Variants in AXIN1 observed in about 807,000 individuals in gnomAD.
AXIN1 encodes the protein axin 1.
Under a neutral mutation model 76.4 loss-of-function variants are expected in AXIN1, and 30 were observed. The ratio of observed to expected loss-of-function variants is 0.39; its 90% CI spans 0.29 to 0.53. AXIN1 has a LOEUF of 0.53. Among genes scored for constraint, AXIN1 ranks in the 20% least tolerant of loss-of-function variants. The pLI, the probability that AXIN1 is intolerant of heterozygous loss-of-function variation, is 0.66. For synonymous variants in AXIN1, 545 were observed against 501.4 expected (o/e 1.09, Z -1.16); for missense variants, 1,140 against 1,198.8 (o/e 0.95, Z 0.72).
rs1358249025 is a variant in AXIN1 at position 293,446 on chromosome 16, G to C, written c.2186+42C>G. The C allele has an allele frequency of 6.3e-7, 1 of 1,585,312 alleles. No individual in the cohort carries two copies. The highest frequency in any genetic ancestry group is 8.6e-7 in the Non-Finnish European group (1 of 1,163,282). ...GCTTCAGCCCCAGGAGTGGTGCTGT[G>C]GTAACCCCCAAGACCCACCCCACCC... On this transcript the variant is annotated intron_variant, in intron 8 of 10. Transcript: ENST00000262320. This position sits in a 1 kb window ranked among gnomAD's most constrained non-coding sequence, Gnocchi z 4.6.
intron 2 of AXIN1, among the ~76,000 whole-genome samples, chr16:332,650 T>A (rs1272211836): frequency 7.2e-6 from 1 of 138,192 alleles, no homozygotes; most frequent in African/African-American, 2.8e-5. Flanking sequence ...ATCTAAACAA[T>A]GTTGATCTAA....
At chr16:328,958 C>T (rs1057404493) in intron 2 of AXIN1, among the ~76,000 whole-genome samples, 9 of 152,066 alleles carry the variant, frequency 5.9e-5, no homozygotes, top group Admixed American at 3.3e-4. Flanking sequence ...GGTGCTGCCA[C>T]GCTGCTCACA....
chr16:332,051 G>A (rs140733627), intron 2 of AXIN1, among the ~76,000 whole-genome samples: 6 of 152,236 alleles, frequency 3.9e-5, no homozygotes, highest in Non-Finnish European at 5.9e-5. Flanking sequence ...CCCACACCTC[G>A]TTAGGGGCTC....
At chr16:339,630 C>T (rs1247855237) in intron 2 of AXIN1, among the ~76,000 whole-genome samples, 1 of 151,756 alleles carries the variant, frequency 6.6e-6, no homozygotes, top group Non-Finnish European at 1.5e-5. Context: ...TGCAGTAAGC[C>T]GAGATGGTGC....
intron 2 of AXIN1, among the ~76,000 whole-genome samples, chr16:339,930 C>G (rs1019661529): frequency 6.6e-6 from 1 of 152,164 alleles, no homozygotes; most frequent in Admixed American, 6.5e-5. Flanking sequence ...CCTCTGCAGC[C>G]GGGCACCTTC....
chr16:323,458 GA>G (rs1361702215), intron 2 of AXIN1, among the ~76,000 whole-genome samples: 1 of 137,510 alleles, frequency 7.3e-6, no homozygotes, highest in South Asian at 2.3e-4. Flanking sequence ...AAAAAAGAAA[GA>G]AAAAAAGCCA....
chr16:309,737 G>A (rs993958430), intron 4 of AXIN1, among the ~76,000 whole-genome samples: 2 of 152,232 alleles, frequency 1.3e-5, no homozygotes, highest in Non-Finnish European at 2.9e-5. Context: ...CTTGGGGCAT[G>A]GGGGCTCTTC....
chr16:307,018 C>T (rs1472596181), intron 4 of AXIN1, among the ~76,000 whole-genome samples: 2 of 152,224 alleles, frequency 1.3e-5, no homozygotes, highest in East Asian at 1.9e-4. Context: ...CTGGCTTTTC[C>T]GTGCCCAGTG....
chr16:344,741 G>A (rs958706730), intron 2 of AXIN1, among the ~76,000 whole-genome samples: 9 of 152,044 alleles, frequency 5.9e-5, no homozygotes, highest in African/African-American at 1.7e-4. Flanking sequence ...CGCCCGCCTC[G>A]GCCTCCCAAA....
In AXIN1 at chr16:314,604, C is replaced by T. The variant is rs575738614; in HGVS notation, c.958G>A (p.Asp320Asn). 11 of 1,613,998 alleles carry T rather than the reference C, an allele frequency of 6.8e-6. No homozygotes were observed. The African/African-American group carries it at 1.1e-4, about 16-fold the overall frequency. Residue 320 changes from aspartate (D) to asparagine (N), a missense_variant, in exon 3 of 11, where the codon GAC (aspartate) becomes AAC (asparagine). This residue lies in a region of AXIN1 where 708 missense variants were observed against 776.9 expected (regional missense o/e 0.91). Coordinates refer to ENST00000262320, the MANE Select transcript of AXIN1 (RefSeq NM_003502.4). ...YALAPATSAN[D>N]SEQQSLSSDA... ...CTGGACAGGCTCTGCTGCTCGCTGT[C>T]GTTGGCACTGGTGGCTGGGGCCAGG...
chr16:312,369 GA>G (rs200158785), intron 3 of AXIN1, among the ~76,000 whole-genome samples: 9 of 151,888 alleles, frequency 5.9e-5, no homozygotes, highest in African/African-American at 1.4e-4. Context: ...AGAATATCAA[GA>G]AAAAAAATAC....
At chr16:337,820 T>C (rs1361693089) in intron 2 of AXIN1, among the ~76,000 whole-genome samples, 1 of 152,244 alleles carries the variant, frequency 6.6e-6, no homozygotes, top group Non-Finnish European at 1.5e-5. Flanking sequence ...CTGGGCCCTA[T>C]GGGCACTCAG....
intron 4 of AXIN1, among the ~76,000 whole-genome samples, chr16:304,824 C>T (rs973693365): frequency 3.9e-5 from 6 of 152,198 alleles, no homozygotes; most frequent in East Asian, 1.9e-4. Context: ...TGTGAGCCAC[C>T]GGGCCCGGCC....
At chr16:299,152 G>A in intron 5 of AXIN1, 2 of 985,444 alleles carry the variant, frequency 2.0e-6, no homozygotes, top group Non-Finnish European at 2.4e-6. Context: ...GCTTCCACAT[G>A]AAGCCGGTGG....
intron 2 of AXIN1, among the ~76,000 whole-genome samples, chr16:324,937 G>A (rs1215414500): frequency 6.6e-6 from 1 of 152,228 alleles, no homozygotes; most frequent in Non-Finnish European, 1.5e-5. Flanking sequence ...AGAACTCCGG[G>A]ATGAACAAAG....
chr16:330,207 C>A (rs1280359792), intron 2 of AXIN1, among the ~76,000 whole-genome samples: 1 of 152,024 alleles, frequency 6.6e-6, no homozygotes, highest in Non-Finnish European at 1.5e-5. Context: ...ACCACAGGTG[C>A]ATGCCACCAC....
In AXIN1 at chr16:288,046, C is replaced by T. The variant is rs546459136; in HGVS notation, c.*76G>A. Reference sequence around the variant, plus strand: ...CTGTTCCCCATCGGGCTCCTGAGTACGAGGTCATCTGCCTGGCCGTGACAC... The same window carrying T: ...CTGTTCCCCATCGGGCTCCTGAGTATGAGGTCATCTGCCTGGCCGTGACAC... On this transcript the variant is annotated 3_prime_UTR_variant, in exon 11 of 11. Transcript: ENST00000262320. 2.2e-5 allele frequency: 35 copies of T among 1,607,366 alleles called. No homozygotes were observed. The highest frequency in any genetic ancestry group is 8.3e-5 in the Admixed American group (5 of 59,994).
Position 291,196 on chromosome 16 carries a change from T to G in AXIN1, c.2288A>C (p.Glu763Ala). 1 of 1,583,272 alleles carries G rather than the reference T, an allele frequency of 6.3e-7. No homozygotes were observed. Among genetic ancestry groups the G allele is most frequent in the South Asian group, 1.1e-5 (1 of 87,036 alleles). The change falls in exon 9 of 11, where the codon GAG (glutamate) becomes GCG (alanine). Residue 763 changes from glutamate (E) to alanine (A), a missense_variant. This residue lies in a region of AXIN1 where 429 missense variants were observed against 405.8 expected (regional missense o/e 1.06). Transcript: ENST00000262320. ...ACCCTCAGGACGCACGTACTCTGTC[T>G]CGGAGAGCTCCATGTCCGACACGGC... is the stretch of plus-strand genomic sequence containing the variant. ...VPAVSDMELS[E>A]TETRSQRKVG...
At position 294,514 on chromosome 16, in the gene AXIN1, G is replaced by C. The variant is rs191186329; in HGVS notation, c.1956-796C>G. On this transcript the variant is annotated intron_variant, in intron 7 of 10. Coordinates refer to ENST00000262320, the MANE Select transcript of AXIN1 (RefSeq NM_003502.4). ...CAGGCGCGGTAATCCCAGCACGCTG[G>C]GAGGCCGAGGCGGGTGGATCATCTG... 1.7e-3 allele frequency among the ~76,000 whole-genome samples: 258 copies of C among 150,544 alleles called. 2 individuals are homozygous for C. The highest frequency in any genetic ancestry group is 6.2e-3 in the African/African-American group (252 of 40,906).
Sources: allele counts gnomAD v4.1 joint callset (sites outside exome capture counted in the v4.1 genomes callset), GRCh38; gene constraint gnomAD v4.1.1; regional missense constraint gnomAD v4.1.1; non-coding constraint Gnocchi (gnomAD v3.1); transcripts MANE v1.5; gene names NCBI Gene and HGNC (gene_info 2026-07-23, HGNC 2026-07-21).